FRMPD4: variants seen among roughly 807,000 people sequenced by gnomAD.
The protein encoded by FRMPD4 is FERM and PDZ domain-containing protein 4.
FRMPD4 carries 22 observed loss-of-function variants against 94.1 expected under a neutral mutation model. That is an observed-to-expected ratio of 0.23 (90% CI 0.17 to 0.33). The LOEUF (loss-of-function observed/expected upper bound fraction) is 0.33, where lower values mean the gene tolerates loss of function less well. FRMPD4 is among the 10% of genes least tolerant of loss of function. FRMPD4 has a pLI of 1.00. For missense variants in FRMPD4, 1,111 were observed against 1,339.9 expected (o/e 0.83, Z 2.67); for synonymous variants, 631 against 548.6 (o/e 1.15, Z -2.10).
At chrX:12,146,728 G>A (rs1011191441) in intron 1 of FRMPD4, among the ~76,000 whole-genome samples, 1 of 112,412 alleles carries the variant, frequency 8.9e-6, no homozygotes, top group Non-Finnish European at 1.9e-5. Flanking sequence ...TTTTATTAGC[G>A]AAGATAATTT....
At chrX:12,577,514 T>C (rs1448408384) in intron 2 of FRMPD4, among the ~76,000 whole-genome samples, 1 of 110,559 alleles carries the variant, frequency 9.0e-6, no homozygotes, top group Non-Finnish European at 1.9e-5. Flanking sequence ...GTGGGGAGCC[T>C]GAAGCCAGCA....
chrX:12,514,644 G>A (rs1441041745), intron 2 of FRMPD4, among the ~76,000 whole-genome samples: 1 of 111,938 alleles, frequency 8.9e-6, no homozygotes, highest in African/African-American at 3.3e-5. Context: ...TTGCCTCGAT[G>A]TTCATCAGGG....
At chrX:12,277,405 A>T (rs4607805) in intron 1 of FRMPD4, among the ~76,000 whole-genome samples, 1 of 112,129 alleles carries the variant, frequency 8.9e-6, no homozygotes, top group Non-Finnish European at 1.9e-5. Context: ...TCTATACTGA[A>T]CTGGACAAAG....
At chrX:12,391,425 A>C (rs917132966) in intron 1 of FRMPD4, among the ~76,000 whole-genome samples, 2 of 112,288 alleles carry the variant, frequency 1.8e-5, no homozygotes, top group African/African-American at 6.5e-5. Context: ...CTGTAAGCAA[A>C]TTAGAAAAGG....
chrX:12,024,094 C>A (rs2054646368), intron 3 of FRMPD4, among the ~76,000 whole-genome samples: 1 of 112,042 alleles, frequency 8.9e-6, no homozygotes, highest in South Asian at 3.7e-4. Flanking sequence ...CTGCCATTTT[C>A]TTTTGCCTTC....
intron 1 of FRMPD4, among the ~76,000 whole-genome samples, chrX:12,349,409 G>A (rs1394450784): frequency 9.1e-6 from 1 of 110,038 alleles, no homozygotes; most frequent in African/African-American, 3.3e-5. Context: ...CGGTTAGTAA[G>A]GCGCCCTCTG....
intron 10 of FRMPD4, 109 bp downstream of exon 10, chrX:12,702,119 C>A: frequency 1.3e-6 from 1 of 772,639 alleles, no homozygotes; most frequent in Non-Finnish European, 1.9e-6. Context: ...TCAAAGCATT[C>A]ATTCGCCAGT....
In FRMPD4 at chrX:12,291,466, A is replaced by G. The variant is rs779060580; in HGVS notation, c.41+152454A>G. ...CCTCATGGCTTCAAATGTCATTTAT[A>G]TGCTAATTACTCTTAAATCATTGGC... On this transcript the variant is annotated intron_variant, in intron 1 of 16. Coordinates refer to ENST00000675598, the MANE Select transcript of FRMPD4 (RefSeq NM_001368397.1). 1.1e-4 allele frequency among the ~76,000 whole-genome samples: 12 copies of G among 112,000 alleles called. No individual in the cohort carries two copies. In the South Asian group the frequency reaches 4.5e-3, roughly 42 times the overall value.
chrX:12,396,049 T>G (rs1366181048), intron 1 of FRMPD4: 1 of 128,997 alleles, frequency 7.8e-6, no homozygotes, highest in Non-Finnish European at 1.6e-5. Flanking sequence ...TTTCCATATA[T>G]GCATCCCCTT....
chrX:12,401,154 G>A, intron 1 of FRMPD4, among the ~76,000 whole-genome samples: 1 of 111,571 alleles, frequency 9.0e-6, no homozygotes, highest in East Asian at 2.8e-4. Flanking sequence ...GGGGACAGAA[G>A]CTCAAAGACC....
chrX:12,415,967 G>A (rs1250677819), intron 1 of FRMPD4, among the ~76,000 whole-genome samples: 1 of 112,358 alleles, frequency 8.9e-6, no homozygotes, highest in African/African-American at 3.2e-5. Flanking sequence ...GACAATATGA[G>A]ACCTTTGGGC....
chrX:12,530,578 T>C (rs1039591566), intron 2 of FRMPD4, among the ~76,000 whole-genome samples: 4 of 110,718 alleles, frequency 3.6e-5, no homozygotes, highest in Non-Finnish European at 7.6e-5. Context: ...GATAAATATT[T>C]TTCAAAGGCC....
At chrX:12,158,087 C>T (rs2055964393) in intron 1 of FRMPD4, among the ~76,000 whole-genome samples, 1 of 111,906 alleles carries the variant, frequency 8.9e-6, no homozygotes, top group African/African-American at 3.2e-5. Flanking sequence ...ATTATCATTA[C>T]CCAAAAATTC....
At chrX:12,283,099 T>C (rs1204828965) in intron 1 of FRMPD4, among the ~76,000 whole-genome samples, 1 of 112,643 alleles carries the variant, frequency 8.9e-6, no homozygotes, top group Non-Finnish European at 1.9e-5. Flanking sequence ...ATTGGCTTTG[T>C]GGTTTCCCAG....
intron 1 of FRMPD4, among the ~76,000 whole-genome samples, chrX:12,197,445 A>G (rs757940188): frequency 8.9e-6 from 1 of 111,789 alleles, no homozygotes; most frequent in South Asian, 3.7e-4. Flanking sequence ...CTGGGTTTCC[A>G]CTGATTGATT....
chrX:12,653,452 CT>C (rs916009694), intron 4 of FRMPD4, among the ~76,000 whole-genome samples: 4 of 111,984 alleles, frequency 3.6e-5, no homozygotes, highest in East Asian at 5.6e-4. Flanking sequence ...AGTAATGTCA[CT>C]TTTTTTGACA....
At chrX:12,212,995 C>G (rs1363349452) in intron 1 of FRMPD4, among the ~76,000 whole-genome samples, 1 of 111,358 alleles carries the variant, frequency 9.0e-6, no homozygotes, top group Non-Finnish European at 1.9e-5. Context: ...ATAAATAACT[C>G]TGAGACTCCA....
At chrX:11,907,673 A>G (rs1307022359) in intron 3 of FRMPD4, among the ~76,000 whole-genome samples, 3 of 111,767 alleles carry the variant, frequency 2.7e-5, no homozygotes, top group African/African-American at 9.8e-5. Context: ...TCACAAAGGC[A>G]CTACCTTCTA....
intron 1 of FRMPD4, among the ~76,000 whole-genome samples, chrX:12,289,291 C>T (rs754214193): frequency 2.7e-5 from 3 of 112,017 alleles, no homozygotes; most frequent in Non-Finnish European, 5.6e-5. Flanking sequence ...CATTTCTTCT[C>T]CTATCTATCA....
Sources: gnomAD v4.1 joint callset for allele counts (sites outside exome capture counted in the v4.1 genomes callset) on GRCh38, gnomAD v4.1.1 for gene constraint, MANE v1.5 for transcripts, NCBI Gene and HGNC (gene_info 2026-07-23, HGNC 2026-07-21) for gene names.